SLC25A37: variants seen among roughly 807,000 people sequenced by gnomAD.
The protein encoded by SLC25A37 is solute carrier family 25 member 37, also known as mitoferrin-1.
SLC25A37 carries 17 observed loss-of-function variants against 31.0 expected under a neutral mutation model. The observed-to-expected ratio is 0.55, with a 90% CI of 0.38 to 0.82. The LOEUF is 0.82. Ranked by LOEUF, SLC25A37 falls within the 40% of genes least tolerant of loss-of-function variation. SLC25A37 has a pLI of 0.00. For synonymous variants in SLC25A37, 222 were observed against 193.0 expected (o/e 1.15, Z -1.24); for missense variants, 404 against 465.8 (o/e 0.87, Z 1.22).
At chr8:23,538,394 AAAAAAAAAAAAAC>A (rs1801816533) in intron 1 of SLC25A37, among the ~76,000 whole-genome samples, 1 of 143,734 alleles carries the variant, frequency 7.0e-6, no homozygotes, top group African/African-American at 2.6e-5. Flanking sequence ...AAAAAAAAAA[AAAAAAAAAAAAAC>A]CAGAAAAAAA....
chr8:23,564,334 T>C (rs1802593325), intron 1 of SLC25A37, among the ~76,000 whole-genome samples: 1 of 152,012 alleles, frequency 6.6e-6, no homozygotes, highest in Admixed American at 6.6e-5. Flanking sequence ...CAGAGAGTCC[T>C]TTGCCCATCT....
intron 1 of SLC25A37, among the ~76,000 whole-genome samples, chr8:23,564,794 G>C (rs1362144084): frequency 6.6e-6 from 1 of 152,108 alleles, no homozygotes; most frequent in Non-Finnish European, 1.5e-5. Flanking sequence ...GAGGTTATCT[G>C]TCTAACTCTC....
intron 1 of SLC25A37, among the ~76,000 whole-genome samples, chr8:23,546,529 G>GTA (rs1491313323): frequency 4.2e-4 from 27 of 64,242 alleles, no homozygotes; most frequent in African/African-American, 1.1e-3. Context: ...ATATATATAG[G>GTA]TGTATATATA....
At position 23,571,960 on chromosome 8, in the gene SLC25A37, A is replaced by G. The variant is rs541988738; in HGVS notation, c.*105A>G. 4.4e-5 allele frequency: 56 copies of G among 1,278,656 alleles called. No individual in the cohort carries two copies. Among genetic ancestry groups the G allele is most frequent in the Non-Finnish European group, 5.8e-5 (54 of 925,696 alleles). 79.2% of individuals were successfully genotyped at this position (1,278,656 alleles called of 1,614,324 possible). On this transcript the variant is annotated 3_prime_UTR_variant, in exon 4 of 4. Transcript: ENST00000519973. ...ATTTTTTTTTTGCAGGGTGCTGCCT[A>G]TGGGCCCTCTGCTCCCCAATGCCTT...
At position 23,566,206 on chromosome 8, in the gene SLC25A37, C is replaced by A; in HGVS notation, c.309C>A (p.Pro103=). 1 of 1,604,768 alleles carries A rather than the reference C, an allele frequency of 6.2e-7. No individual in the cohort carries two copies. The highest frequency in any genetic ancestry group is 1.7e-4 in the Middle Eastern group (1 of 6,030). The change falls in exon 2 of 4, where the codon CCC becomes CCA. Residue 103 remains proline, a synonymous_variant. Transcript: ENST00000519973. ...TGCGGACCGAAGGCTTCTGGAGGCC[C>A]TTGCGAGGCGTCAACGTCATGATCA... ...KIMRTEGFWR[P]LRGVNVMIMG...
chr8:23,568,193 C>A, intron 2 of SLC25A37, 129 bp from the exon 3 acceptor site: 1 of 908,632 alleles, frequency 1.1e-6, no homozygotes, highest in Non-Finnish European at 1.9e-6. Flanking sequence ...CAGTGCTCAC[C>A]TGGGCGGAGC....
rs544812703 is a variant in SLC25A37 at position 23,575,050 on chromosome 8, C to T, written c.*3195C>T. 6.6e-6 allele frequency: 1 copy of T among 152,304 alleles called. No individual in the cohort carries two copies. The highest frequency in any genetic ancestry group is 2.1e-4 in the South Asian group (1 of 4,828). The allele number at this position is 152,304 out of a possible 1,614,324, so 9.4% of individuals were successfully genotyped here. A position where few individuals can be genotyped will look rare whatever the true frequency, so the allele number is the denominator to read the frequency against. On this transcript the variant is annotated 3_prime_UTR_variant, in exon 4 of 4. Transcript: ENST00000519973. ...ATGTTTTCTTAACTTTGCATTGAATCTATTTACTGGGTTACATTCTATGTG... is the reference window on the plus strand; with the variant it reads ...ATGTTTTCTTAACTTTGCATTGAATTTATTTACTGGGTTACATTCTATGTG...
chr8:23,553,062 T>C (rs73555545), intron 1 of SLC25A37, among the ~76,000 whole-genome samples: 1,625 of 149,050 alleles, frequency 0.011, 33 homozygotes, highest in African/African-American at 0.035. Flanking sequence ...ATGTGGACTC[T>C]TGTGTTAAAT....
chr8:23,560,778 A>G (rs75361456), intron 1 of SLC25A37, among the ~76,000 whole-genome samples: 5,126 of 152,282 alleles, frequency 0.034, 130 homozygotes, highest in East Asian at 0.11. Flanking sequence ...AATCTTTTAG[A>G]GGTTTATTCT....
chr8:23,532,401 T>A (rs1477649218), intron 1 of SLC25A37, among the ~76,000 whole-genome samples: 4 of 152,178 alleles, frequency 2.6e-5, no homozygotes, highest in Non-Finnish European at 5.9e-5. Context: ...TCCATGAGCC[T>A]CTTTCTGGTG....
At chr8:23,560,533 G>C (rs1802488479) in intron 1 of SLC25A37, among the ~76,000 whole-genome samples, 1 of 152,174 alleles carries the variant, frequency 6.6e-6, no homozygotes, top group Non-Finnish European at 1.5e-5. Context: ...CTCAGTGGGT[G>C]CTCCCTGCAG....
chr8:23,560,267 AAAAAAATAAAAAT>A (rs2117441499), intron 1 of SLC25A37, among the ~76,000 whole-genome samples: 1 of 152,246 alleles, frequency 6.6e-6, no homozygotes, highest in African/African-American at 2.4e-5. Context: ...ACCCTGTCTT[AAAAAAATAAAAAT>A]AAAAAATAAA....
At chr8:23,545,577 G>A (rs2117405476) in intron 1 of SLC25A37, among the ~76,000 whole-genome samples, 1 of 152,364 alleles carries the variant, frequency 6.6e-6, no homozygotes, top group East Asian at 1.9e-4. Context: ...GGCACAGGGG[G>A]TCTTTGTTAC....
At chr8:23,566,698 C>T (rs1379950822) in intron 2 of SLC25A37, 3 of 995,564 alleles carry the variant, frequency 3.0e-6, no homozygotes, top group African/African-American at 1.8e-5. Context: ...AGAAACAAAA[C>T]TTTTGAATGC....
At chr8:23,559,323 T>TA (rs1233660614) in intron 1 of SLC25A37, among the ~76,000 whole-genome samples, 1 of 150,706 alleles carries the variant, frequency 6.6e-6, no homozygotes, top group African/African-American at 2.4e-5. Flanking sequence ...ATTTGTGAAA[T>TA]TCTCTGTCTC....
chr8:23,549,923 CT>C (rs1452637946), intron 1 of SLC25A37, among the ~76,000 whole-genome samples: 1 of 138,254 alleles, frequency 7.2e-6, no homozygotes, highest in Non-Finnish European at 1.5e-5. Context: ...TTGAGGAGGA[CT>C]TAAAATACCT....
chr8:23,562,713 T>G (rs1802548723), intron 1 of SLC25A37, among the ~76,000 whole-genome samples: 1 of 152,174 alleles, frequency 6.6e-6, no homozygotes, highest in African/African-American at 2.4e-5. Flanking sequence ...TAGACACATA[T>G]TATCCCATTT....
chr8:23,541,281 T>C (rs1801887363), intron 1 of SLC25A37, among the ~76,000 whole-genome samples: 1 of 152,238 alleles, frequency 6.6e-6, no homozygotes, highest in Admixed American at 6.5e-5. Context: ...TGTGGGATTT[T>C]ATATCCTTAC....
At chr8:23,557,416 A>G (rs1802397621) in intron 1 of SLC25A37, among the ~76,000 whole-genome samples, 1 of 152,246 alleles carries the variant, frequency 6.6e-6, no homozygotes, top group African/African-American at 2.4e-5. Flanking sequence ...GGGCTTTCCA[A>G]GGCCTAGATG....
Sources: allele counts gnomAD v4.1 joint callset (sites outside exome capture counted in the v4.1 genomes callset), GRCh38; gene constraint gnomAD v4.1.1; transcripts MANE v1.5; gene names NCBI Gene and HGNC (gene_info 2026-07-23, HGNC 2026-07-21).